Variants in TNFSF4 observed in about 807,000 individuals in gnomAD.
The protein encoded by TNFSF4 is tumor necrosis factor ligand superfamily member 4.
In TNFSF4, 4 loss-of-function variants were observed where a neutral mutation model predicts 7.3. The ratio of observed to expected loss-of-function variants is 0.55; its 90% CI spans 0.27 to 1.25. TNFSF4 has a LOEUF of 1.25. TNFSF4 is among the 50% of genes most tolerant of loss of function. The probability of loss-of-function intolerance (pLI) is 0.12; values close to 1 mark genes in which losing one functional copy is unlikely to be tolerated. For missense variants in TNFSF4, 181 were observed against 208.8 expected (o/e 0.87, Z 0.82); for synonymous variants, 76 against 83.7 (o/e 0.91, Z 0.50).
chr1:173,332,192 T>G, the TNFSF4 span, among the ~76,000 whole-genome samples: 1 of 152,222 alleles, frequency 6.6e-6, no homozygotes, highest in East Asian at 1.9e-4. Context: ...AGACGTTCAC[T>G]GTCCTCTGAT....
the TNFSF4 span, among the ~76,000 whole-genome samples, chr1:173,386,276 C>T: frequency 6.6e-6 from 1 of 152,184 alleles, no homozygotes; most frequent in Non-Finnish European, 1.5e-5. Context: ...TGGCTTAGAC[C>T]ACTGCTCTAG....
At chr1:173,413,086 T>C in the TNFSF4 span, among the ~76,000 whole-genome samples, 2 of 151,488 alleles carry the variant, frequency 1.3e-5, no homozygotes, top group South Asian at 4.2e-4. Flanking sequence ...CCAAGGGGGA[T>C]TGAAAAGTAT....
At chr1:173,266,390 G>C in the TNFSF4 span, among the ~76,000 whole-genome samples, 5 of 152,156 alleles carry the variant, frequency 3.3e-5, no homozygotes, top group African/African-American at 9.7e-5. Context: ...CTCCCACCAA[G>C]TGAGAGTCCT....
chr1:173,427,205 G>C, the TNFSF4 span, among the ~76,000 whole-genome samples: 1 of 152,158 alleles, frequency 6.6e-6, no homozygotes, highest in East Asian at 1.9e-4. Context: ...AACGTTAAAG[G>C]CTGTGGACAG....
the TNFSF4 span, among the ~76,000 whole-genome samples, chr1:173,286,034 A>T: frequency 6.6e-6 from 1 of 152,236 alleles, no homozygotes; most frequent in African/African-American, 2.4e-5. Context: ...TATCTGGAAG[A>T]TGTTTTTAAT....
At chr1:173,388,813 T>C in the TNFSF4 span, among the ~76,000 whole-genome samples, 1 of 152,238 alleles carries the variant, frequency 6.6e-6, no homozygotes, top group African/African-American at 2.4e-5. Flanking sequence ...TGTCAATTTC[T>C]AATACAGTAA....
the TNFSF4 span, among the ~76,000 whole-genome samples, chr1:173,317,398 G>T: frequency 2.1e-4 from 32 of 152,342 alleles, no homozygotes; most frequent in African/African-American, 7.5e-4. Context: ...GACCAAGTGT[G>T]ATTACTACAC....
chr1:173,359,969 C>A, the TNFSF4 span, among the ~76,000 whole-genome samples: 573 of 152,340 alleles, frequency 3.8e-3, 5 homozygotes, highest in African/African-American at 0.012. Context: ...TAGTGAGAAG[C>A]TTGCTGATCT....
intron 1 of TNFSF4, among the ~76,000 whole-genome samples, chr1:173,200,520 A>G (rs982569143): frequency 2.6e-5 from 4 of 152,252 alleles, no homozygotes; most frequent in African/African-American, 9.6e-5. Context: ...CTTAGAAGCT[A>G]AAAATTGTCA....
the TNFSF4 span, among the ~76,000 whole-genome samples, chr1:173,369,779 C>T: frequency 1.3e-5 from 2 of 152,140 alleles, no homozygotes; most frequent in African/African-American, 2.4e-5. Flanking sequence ...TACTATCCTG[C>T]AGCTTGACCT....
rs1436185083 is a variant in TNFSF4, at chr1:173,186,780, G to T, written c.288C>A (p.Asn96Lys). ...MKVQNNSVII[N>K]CDGFYLISLK... ...GGGAGATGAGATAAAACCCATCACA[G>T]TTGATGATGACTGAGTTGTTCTGCA... The change falls in exon 3 of 3, where the codon AAC becomes AAA. Residue 96 changes from asparagine (N) to lysine (K), a missense_variant. Coordinates refer to ENST00000281834, the MANE Select transcript of TNFSF4 (RefSeq NM_003326.5). The T allele has an allele frequency of 1.1e-5, 17 of 1,614,006 alleles. No homozygotes were observed. The highest frequency in any genetic ancestry group is 3.3e-5 in the Admixed American group (2 of 59,996).
chr1:173,438,822 G>A, the TNFSF4 span, among the ~76,000 whole-genome samples: 1 of 152,200 alleles, frequency 6.6e-6, no homozygotes, highest in Non-Finnish European at 1.5e-5. Context: ...AACACAGACT[G>A]AGTAAAAGTC....
the TNFSF4 span, among the ~76,000 whole-genome samples, chr1:173,391,038 G>T: frequency 6.6e-6 from 1 of 151,856 alleles, no homozygotes; most frequent in African/African-American, 2.4e-5. Flanking sequence ...GAGCCACTGC[G>T]CCCAGCCTTC....
the TNFSF4 span, among the ~76,000 whole-genome samples, chr1:173,405,503 A>T: frequency 6.6e-6 from 1 of 152,236 alleles, no homozygotes; most frequent in Non-Finnish European, 1.5e-5. Flanking sequence ...GCTCACATGG[A>T]AACCACTGTG....
At chr1:173,189,559 A>T (rs1222372518) in intron 1 of TNFSF4, among the ~76,000 whole-genome samples, 2 of 152,210 alleles carry the variant, frequency 1.3e-5, no homozygotes, top group Non-Finnish European at 2.9e-5. Context: ...AAGACAGGAA[A>T]CCTGATAGAT....
the TNFSF4 span, among the ~76,000 whole-genome samples, chr1:173,239,125 G>A: frequency 1.3e-5 from 2 of 152,172 alleles, no homozygotes; most frequent in Admixed American, 1.3e-4. Context: ...CTCAAGAAAT[G>A]CAACTTTCCC....
At chr1:173,195,493 T>G (rs1015721852) in intron 1 of TNFSF4, among the ~76,000 whole-genome samples, 2 of 152,248 alleles carry the variant, frequency 1.3e-5, no homozygotes, top group African/African-American at 4.8e-5. Context: ...CCTTCAGTGC[T>G]TTTAGCACTG....
At chr1:173,242,786 C>G in the TNFSF4 span, among the ~76,000 whole-genome samples, 1 of 152,078 alleles carries the variant, frequency 6.6e-6, no homozygotes, top group Non-Finnish European at 1.5e-5. Flanking sequence ...CTGGCAAAGG[C>G]AGGGAAGCAG....
the TNFSF4 span, among the ~76,000 whole-genome samples, chr1:173,295,891 G>A: frequency 2.0e-5 from 3 of 152,036 alleles, no homozygotes; most frequent in South Asian, 6.2e-4. Flanking sequence ...GTATGGCTCT[G>A]ATAGGGTCTT....
Sources: gnomAD v4.1 joint callset for allele counts (sites outside exome capture counted in the v4.1 genomes callset) on GRCh38, gnomAD v4.1.1 for gene constraint, MANE v1.5 for transcripts, NCBI Gene and HGNC (gene_info 2026-07-23, HGNC 2026-07-21) for gene names.